The following PRKAR1B variants were observed in gnomAD, a reference collection of about 807,000 sequenced individuals.
The protein encoded by PRKAR1B is protein kinase cAMP-dependent type I regulatory subunit beta.
A neutral mutation model predicts 46.5 loss-of-function variants in PRKAR1B; 22 were observed. The observed-to-expected ratio is 0.47, with a 90% CI of 0.34 to 0.68. The LOEUF (loss-of-function observed/expected upper bound fraction) is 0.68. Ranked by LOEUF, PRKAR1B falls within the 30% of genes least tolerant of loss-of-function variation. The probability of loss-of-function intolerance (pLI) is 0.01; values close to 1 mark genes in which losing one functional copy is unlikely to be tolerated. For synonymous variants in PRKAR1B, 259 were observed against 217.7 expected, an observed-to-expected ratio of 1.19 and a Z score of -1.67; for missense variants, 445 against 535.6, an observed-to-expected ratio of 0.83 and a Z score of 1.67.
chr7:607,004 T>C (rs538017230), intron 5 of PRKAR1B, among the ~76,000 whole-genome samples: 2 of 152,266 alleles, frequency 1.3e-5, no homozygotes, highest in Admixed American at 6.5e-5. Context: ...CAAGTCTATA[T>C]ATATCCTTTT....
At chr7:559,579 G>A (rs1320201848) in intron 9 of PRKAR1B, among the ~76,000 whole-genome samples, 1 of 152,164 alleles carries the variant, frequency 6.6e-6, no homozygotes, top group Non-Finnish European at 1.5e-5. Context: ...TCATAGCCCA[G>A]ACCAGAGACC....
intron 2 of PRKAR1B, among the ~76,000 whole-genome samples, chr7:710,989 T>C (rs1302366526): frequency 6.6e-6 from 1 of 152,138 alleles, no homozygotes; most frequent in Admixed American, 6.5e-5. Context: ...GGCTGAAAAC[T>C]GTCGGTGAGC....
intron 4 of PRKAR1B, among the ~76,000 whole-genome samples, chr7:655,784 G>A (rs948329525): frequency 2.6e-5 from 4 of 152,110 alleles, no homozygotes; most frequent in African/African-American, 9.7e-5. Context: ...TGCCACATAT[G>A]ATTCAGAGTT....
At chr7:600,492 CA>C (rs1781528674) in intron 6 of PRKAR1B, among the ~76,000 whole-genome samples, 1 of 152,178 alleles carries the variant, frequency 6.6e-6, no homozygotes. Flanking sequence ...GACCCCATCT[CA>C]AAAAATTAAA....
intron 2 of PRKAR1B, among the ~76,000 whole-genome samples, chr7:709,950 C>T (rs146654932): frequency 1.8e-4 from 27 of 152,304 alleles, no homozygotes; most frequent in African/African-American, 6.0e-4. Flanking sequence ...CCTACAACTA[C>T]GTTTTTATAA....
chr7:554,035 G>A (rs574911627), intron 9 of PRKAR1B, among the ~76,000 whole-genome samples: 3 of 152,382 alleles, frequency 2.0e-5, no homozygotes, highest in South Asian at 4.1e-4. Context: ...GGAAGACTCC[G>A]TGGGCCCCCA....
At chr7:649,979 A>AT (rs762320346) in intron 4 of PRKAR1B, among the ~76,000 whole-genome samples, 5,001 of 135,282 alleles carry the variant, frequency 0.037, 114 homozygotes, top group African/African-American at 0.052. Flanking sequence ...GGCCCAGCTA[A>AT]TTTTTTTTTT....
At chr7:679,775 T>C (rs1051825740) in intron 3 of PRKAR1B, among the ~76,000 whole-genome samples, 12 of 152,038 alleles carry the variant, frequency 7.9e-5, no homozygotes, top group African/African-American at 2.4e-4. Context: ...CATGCTATGG[T>C]ATTTGGAGAG....
chr7:567,847 AG>A (rs1420201754), intron 9 of PRKAR1B, among the ~76,000 whole-genome samples: 1 of 151,838 alleles, frequency 6.6e-6, no homozygotes, highest in African/African-American at 2.4e-5. Flanking sequence ...AGAAAGGAGA[AG>A]GGTGGTTCTA....
chr7:669,225 G>A (rs189437556), intron 4 of PRKAR1B, among the ~76,000 whole-genome samples: 11 of 152,232 alleles, frequency 7.2e-5, no homozygotes, highest in African/African-American at 1.2e-4. Flanking sequence ...AGCCCATCAC[G>A]AAAGGTCATA....
chr7:596,662 T>A (rs1781283474), intron 6 of PRKAR1B, among the ~76,000 whole-genome samples: 1 of 152,198 alleles, frequency 6.6e-6, no homozygotes, highest in Non-Finnish European at 1.5e-5. Context: ...ATTCAATCCG[T>A]CAACTTCTCA....
At chr7:717,385 C>T (rs540539069) in intron 1 of PRKAR1B, among the ~76,000 whole-genome samples, 5 of 152,012 alleles carry the variant, frequency 3.3e-5, no homozygotes, top group African/African-American at 4.8e-5. Flanking sequence ...GGCCAGGCAT[C>T]GTGGCTCATG....
intron 4 of PRKAR1B, among the ~76,000 whole-genome samples, chr7:665,185 G>C (rs1387155936): frequency 2.6e-5 from 4 of 152,200 alleles, no homozygotes; most frequent in Admixed American, 1.3e-4. Context: ...GAAAACGCTA[G>C]GCGTGTGGAA....
chr7:596,074 A>C, intron 7 of PRKAR1B, 72 bp downstream of exon 7: 25 of 1,539,972 alleles, frequency 1.6e-5, no homozygotes, highest in Non-Finnish European at 2.1e-5. Context: ...CACCTTGAAT[A>C]GAGCTAGGGT....
chr7:692,938 C>CTT (rs1161505234), intron 2 of PRKAR1B, among the ~76,000 whole-genome samples: 1 of 147,082 alleles, frequency 6.8e-6, no homozygotes, highest in East Asian at 2.0e-4. Context: ...GTGAGTGGGA[C>CTT]TTTTTTTTTT....
intron 2 of PRKAR1B, among the ~76,000 whole-genome samples, chr7:689,822 G>C (rs2128514841): frequency 6.6e-6 from 1 of 152,058 alleles, no homozygotes; most frequent in African/African-American, 2.4e-5. Context: ...TGGGACTACA[G>C]GCACCCACCA....
chr7:721,919 C>T (rs575050297), intron 1 of PRKAR1B, among the ~76,000 whole-genome samples: 1 of 152,160 alleles, frequency 6.6e-6, no homozygotes, highest in East Asian at 1.9e-4. Context: ...CCTCTCTAGG[C>T]AAGGCATTAT....
Position 554,605 on chromosome 7 carries a change from CCACGGATCCCACAGAGCCGGAAGACAGG to C in PRKAR1B, c.892-3163_892-3136del, listed in dbSNP as rs1380894688. Reference sequence around the variant, plus strand: ...CCACAGAGCCAGAAGACAGGGGAGGCCACGGATCCCACAGAGCCGGAAGACAGGGGAGGCCACGGATCCCACAGAGCCA... The same window carrying C: ...CCACAGAGCCAGAAGACAGGGGAGGCGGAGGCCACGGATCCCACAGAGCCA... On this transcript the variant is annotated intron_variant, in intron 9 of 10. Transcript: ENST00000537384. 7.4e-4 allele frequency among the ~76,000 whole-genome samples: 112 copies of C among 151,282 alleles called. 1 individual carries two copies. Among genetic ancestry groups the C allele is most frequent in the African/African-American group, 2.6e-3 (108 of 41,152 alleles).
At chr7:728,680 T>C (rs79457505), upstream of PRKAR1B, among the ~76,000 whole-genome samples, 649 of 152,304 alleles carry the variant, frequency 4.3e-3, 5 homozygotes, top group African/African-American at 0.015. Context: ...CCCTGGACCG[T>C]AGGTTCCACA....
Sources: allele counts gnomAD v4.1 joint callset (sites outside exome capture counted in the v4.1 genomes callset), GRCh38; gene constraint gnomAD v4.1.1; transcripts MANE v1.5; gene names NCBI Gene and HGNC (gene_info 2026-07-23, HGNC 2026-07-21).